The following TOMM70 variants were observed in gnomAD, a reference collection of about 807,000 sequenced individuals.
TOMM70 encodes the protein translocase of outer mitochondrial membrane 70.
TOMM70 carries 13 observed loss-of-function variants against 73.6 expected under a neutral mutation model. The observed-to-expected ratio is 0.18, with a 90% confidence interval of 0.11 to 0.28. The LOEUF is 0.28. TOMM70 is among the 10% of genes least tolerant of loss of function. TOMM70 has a pLI of 1.00. For missense variants in TOMM70, 609 were observed against 747.5 expected, an observed-to-expected ratio of 0.81 and a Z score of 2.16; for synonymous variants, 257 against 271.2, an observed-to-expected ratio of 0.95 and a Z score of 0.51.
chr3:100,383,809 G>T (rs375680566), intron 4 of TOMM70, among the ~76,000 whole-genome samples: 5 of 152,148 alleles, frequency 3.3e-5, no homozygotes, highest in Non-Finnish European at 5.9e-5. Flanking sequence ...TGATGCCTAT[G>T]GTACTCTCTT....
chr3:100,381,592 G>A lies in TOMM70; in HGVS notation c.884+23C>T, dbSNP rs760609391. 34 of 1,606,664 alleles carry A rather than the reference G, an allele frequency of 2.1e-5. No homozygotes were observed. In the South Asian group the frequency reaches 3.5e-4, roughly 16 times the overall value. On this transcript the variant is annotated intron_variant, in intron 5 of 11. Transcript: ENST00000284320. ...AAAGCACCCAAAACACCACTAAGTA[G>A]ACACTATGCTTGACATACTTACTTT...
chr3:100,400,151 G>A (rs551131927), intron 1 of TOMM70, among the ~76,000 whole-genome samples: 1 of 152,196 alleles, frequency 6.6e-6, no homozygotes, highest in Admixed American at 6.5e-5. Context: ...TCAACTAACC[G>A]TCACTGTAGT....
At chr3:100,382,067 A>T (rs1201911393) in intron 4 of TOMM70, among the ~76,000 whole-genome samples, 1 of 152,204 alleles carries the variant, frequency 6.6e-6, no homozygotes, top group Non-Finnish European at 1.5e-5. Context: ...TCTTTATTAC[A>T]GGTAAGTGCC....
chr3:100,372,800 C>T, intron 8 of TOMM70, 78 bp from the exon 9 acceptor site: 4 of 1,210,498 alleles, frequency 3.3e-6, no homozygotes, highest in Non-Finnish European at 4.8e-6. Flanking sequence ...CACAAAATTA[C>T]ATAAATATTT....
At chr3:100,381,347 T>C (rs1706631638) in intron 5 of TOMM70, among the ~76,000 whole-genome samples, 1 of 152,168 alleles carries the variant, frequency 6.6e-6, no homozygotes, top group Non-Finnish European at 1.5e-5. Context: ...CGGAGTCCTT[T>C]TGAGAAGATC....
At chr3:100,377,001 C>T (rs1317173631) in intron 6 of TOMM70, among the ~76,000 whole-genome samples, 1 of 151,066 alleles carries the variant, frequency 6.6e-6, no homozygotes, top group Non-Finnish European at 1.5e-5. Context: ...AAACTTTTAA[C>T]AATATTTAGG....
intron 5 of TOMM70, among the ~76,000 whole-genome samples, chr3:100,380,409 C>T (rs1470639343): frequency 6.6e-6 from 1 of 152,068 alleles, no homozygotes; most frequent in Non-Finnish European, 1.5e-5. Context: ...ATCCCACTTA[C>T]TGAAGAACAT....
chr3:100,383,738 A>C (rs1462542717), intron 4 of TOMM70, among the ~76,000 whole-genome samples: 1 of 152,242 alleles, frequency 6.6e-6, no homozygotes, highest in Non-Finnish European at 1.5e-5. Flanking sequence ...TTATTAAAGG[A>C]AAAAGGAACA....
intron 3 of TOMM70, among the ~76,000 whole-genome samples, chr3:100,385,469 T>C (rs1706680660): frequency 6.6e-6 from 1 of 152,254 alleles, no homozygotes; most frequent in Admixed American, 6.5e-5. Flanking sequence ...AAGGGGCCTT[T>C]TCCTTTTACT....
chr3:100,399,008 G>A (rs1424566271), intron 1 of TOMM70, among the ~76,000 whole-genome samples: 3 of 152,228 alleles, frequency 2.0e-5, no homozygotes, highest in East Asian at 3.9e-4. Context: ...TCGCCCGGGC[G>A]CGGTGGCTCA....
intron 5 of TOMM70, among the ~76,000 whole-genome samples, chr3:100,379,614 T>C (rs1016858080): frequency 6.6e-6 from 1 of 152,116 alleles, no homozygotes. Flanking sequence ...AGTGACCCCC[T>C]CTCTCTCCCT....
intron 1 of TOMM70, among the ~76,000 whole-genome samples, chr3:100,396,292 T>C (rs1706825052): frequency 6.6e-6 from 1 of 152,210 alleles, no homozygotes; most frequent in Non-Finnish European, 1.5e-5. Flanking sequence ...TAGGTACATC[T>C]TCCCTTTCCT....
chr3:100,368,741 A>T (rs1706476168), intron 10 of TOMM70, among the ~76,000 whole-genome samples: 1 of 152,022 alleles, frequency 6.6e-6, no homozygotes. Flanking sequence ...CACCTGGCTA[A>T]TTTTTTGTAG....
At chr3:100,387,099 T>A in intron 1 of TOMM70, 121 bp from the exon 2 acceptor site, 3 of 988,870 alleles carry the variant, frequency 3.0e-6, no homozygotes, top group Non-Finnish European at 4.4e-6. Context: ...TGTAAGTTGC[T>A]TCATACAAAT....
intron 6 of TOMM70, chr3:100,377,494 A>C (rs966023356): frequency 3.7e-6 from 2 of 539,512 alleles, no homozygotes; most frequent in Non-Finnish European, 6.5e-6. Context: ...AGGAAAAAAA[A>C]ATTTCCTTTC....
intron 1 of TOMM70, among the ~76,000 whole-genome samples, chr3:100,390,297 G>T (rs1706743803): frequency 6.6e-6 from 1 of 152,134 alleles, no homozygotes; most frequent in African/African-American, 2.4e-5. Context: ...TCTCGCAAAA[G>T]AACTATTACT....
chr3:100,377,978 G>C, intron 5 of TOMM70, 66 bp from the exon 6 acceptor site: 1 of 1,422,706 alleles, frequency 7.0e-7, no homozygotes, highest in Non-Finnish European at 9.7e-7. Context: ...TGGGTGTGGT[G>C]GCTCACGCCT....
At chr3:100,391,090 G>A (rs1706755214) in intron 1 of TOMM70, among the ~76,000 whole-genome samples, 1 of 151,770 alleles carries the variant, frequency 6.6e-6, no homozygotes, top group South Asian at 2.1e-4. Context: ...GCAGTGAGCC[G>A]AGATGGCACC....
chr3:100,385,739 C>T (rs1706683471), intron 3 of TOMM70, among the ~76,000 whole-genome samples: 1 of 151,964 alleles, frequency 6.6e-6, no homozygotes, highest in African/African-American at 2.4e-5. Context: ...AGGTATAAAA[C>T]AATAATTTCC....
Sources: allele counts gnomAD v4.1 joint callset (sites outside exome capture counted in the v4.1 genomes callset), GRCh38; gene constraint gnomAD v4.1.1; transcripts MANE v1.5; gene names NCBI Gene and HGNC (gene_info 2026-07-23, HGNC 2026-07-21).